Variants in MAP7D2 observed in about 807,000 individuals in gnomAD.
The protein encoded by MAP7D2 is MAP7 domain containing 2.
MAP7D2 carries 33 observed loss-of-function variants against 63.5 expected under a neutral mutation model. The observed-to-expected ratio is 0.52, with a 90% confidence interval of 0.39 to 0.70. MAP7D2 has a LOEUF of 0.70. Ranked by LOEUF, MAP7D2 falls within the 30% of genes least tolerant of loss-of-function variation. The pLI is 0.00. For missense variants in MAP7D2, 626 were observed against 604.0 expected (o/e 1.04, Z -0.38); for synonymous variants, 224 against 223.7 (o/e 1.00, Z -0.01).
chrX:20,042,770 C>G (rs2064694568), intron 7 of MAP7D2, 141 bp from the exon 8 acceptor site: 1 of 738,897 alleles, frequency 1.4e-6, no homozygotes, highest in East Asian at 3.3e-5. Context: ...TGACAGGCAT[C>G]TTTGCGGGGA....
intron 1 of MAP7D2, among the ~76,000 whole-genome samples, chrX:20,076,577 C>T (rs973360410): frequency 1.0e-4 from 11 of 109,311 alleles, no homozygotes; most frequent in Non-Finnish European, 1.7e-4. Flanking sequence ...TGGCGTGCAC[C>T]GTAATCCCAG....
At position 20,024,950 on chromosome X, in the gene MAP7D2, C is replaced by T. The variant is rs2073786140; in HGVS notation, c.1412+1G>A. The T allele has an allele frequency of 2.5e-6, 3 of 1,208,110 alleles. No homozygotes were observed. The highest frequency in any genetic ancestry group is 1.8e-5 in the South Asian group (1 of 56,293). On this transcript the variant is annotated splice_donor_variant, in intron 10 of 16. Coordinates refer to ENST00000379643, the MANE Select transcript of MAP7D2 (RefSeq NM_001168465.2). LOFTEE classifies it high-confidence loss of function. ...CACCGAAATTCTGAGCACTAGCATA[C>T]CTATCTTGTTCTTCCTTCTCCAGTC... is the stretch of plus-strand genomic sequence containing the variant.
At chrX:20,016,019 G>A in intron 11 of MAP7D2, 75 bp downstream of exon 11, 1 of 875,101 alleles carries the variant, frequency 1.1e-6, no homozygotes, top group Non-Finnish European at 1.6e-6. Flanking sequence ...ATGAGTCATT[G>A]AAATTTAACT....
At chrX:20,087,934 G>T (rs1373074813) in intron 1 of MAP7D2, among the ~76,000 whole-genome samples, 2 of 90,348 alleles carry the variant, frequency 2.2e-5, no homozygotes, top group African/African-American at 8.9e-5. Flanking sequence ...ACTGTCACTG[G>T]ACTGGAGTGC....
intron 8 of MAP7D2, 132 bp downstream of exon 8, chrX:20,042,370 A>T: frequency 1.4e-6 from 1 of 731,553 alleles, no homozygotes; most frequent in Non-Finnish European, 2.1e-6. Context: ...CAAGGCCAGC[A>T]TTTCTCCCAC....
At chrX:20,064,255 A>G (rs1298572623) in intron 2 of MAP7D2, among the ~76,000 whole-genome samples, 2 of 111,844 alleles carry the variant, frequency 1.8e-5, no homozygotes, top group Admixed American at 9.4e-5. Context: ...TGTGAAGAAC[A>G]CTCTGCACTA....
chrX:20,021,892 A>T (rs982851702), intron 10 of MAP7D2, among the ~76,000 whole-genome samples: 1 of 111,060 alleles, frequency 9.0e-6, no homozygotes, highest in African/African-American at 3.3e-5. Context: ...ACCTACTACT[A>T]CGATGGTTTC....
In MAP7D2 at chrX:20,094,554, A is replaced by G. The variant is rs1370353257; in HGVS notation, c.130+22196T>C. 6.9e-4 allele frequency among the ~76,000 whole-genome samples: 8 copies of G among 11,571 alleles called. 2 individuals carry two copies. Among genetic ancestry groups the G allele is most frequent in the South Asian group, 0.012 (2 of 170 alleles). The allele number at this position is 11,571 out of a possible 115,157, so 10.0% of individuals were successfully genotyped here. A position where few individuals can be genotyped will look rare whatever the true frequency, so the allele number is the denominator to read the frequency against. On this transcript the variant is annotated intron_variant, in intron 1 of 16. Transcript: ENST00000379643. ...TATATATATATATGTATATATATAT[A>G]TATATATATATATACATATATATGT... is the stretch of plus-strand genomic sequence containing the variant.
chrX:20,090,508 C>CA (rs763495571), intron 1 of MAP7D2, among the ~76,000 whole-genome samples: 8 of 110,435 alleles, frequency 7.2e-5, no homozygotes, highest in East Asian at 5.7e-4. Context: ...ACTGGAATGG[C>CA]AAAAAAAATT....
At chrX:20,098,372 G>T (rs2148519824) in intron 1 of MAP7D2, among the ~76,000 whole-genome samples, 1 of 112,513 alleles carries the variant, frequency 8.9e-6, no homozygotes, top group South Asian at 3.7e-4. Context: ...TGGACAATTT[G>T]TGCAAACAGT....
At chrX:20,115,255 A>C (rs959844829) in intron 1 of MAP7D2, among the ~76,000 whole-genome samples, 2 of 107,795 alleles carry the variant, frequency 1.9e-5, no homozygotes, top group Non-Finnish European at 3.8e-5. Context: ...AAAAAAAAAA[A>C]AAACCCCTTA....
rs765095412 is a variant in MAP7D2 at position 20,050,817 on chromosome X, C to G, written c.718+7G>C. The G allele has an allele frequency of 8.5e-7, 1 of 1,181,550 alleles. No individual in the cohort carries two copies. The highest frequency in any genetic ancestry group is 3.0e-5 in the East Asian group (1 of 33,148). ...TTCCTTGGTGTTACCAGCTTAGCCT[C>G]TTTTACCTGAATCATTGGCCTGCCC... On this transcript the variant is annotated splice_region_variant and intron_variant, in intron 6 of 16. Transcript: ENST00000379643.
intron 1 of MAP7D2, among the ~76,000 whole-genome samples, chrX:20,077,193 G>A (rs772947174): frequency 8.9e-6 from 1 of 111,964 alleles, no homozygotes; most frequent in Non-Finnish European, 1.9e-5. Context: ...AGTGACTCAC[G>A]CCTGTAATCC....
intron 5 of MAP7D2, chrX:20,052,418 G>A: frequency 3.4e-6 from 1 of 294,033 alleles, no homozygotes; most frequent in Non-Finnish European, 6.5e-6. Context: ...TCTACAAAAT[G>A]GGCAGGCCTA....
intron 10 of MAP7D2, 53 bp downstream of exon 10, chrX:20,024,898 T>C: frequency 8.5e-7 from 1 of 1,175,126 alleles, no homozygotes; most frequent in South Asian, 1.9e-5. Flanking sequence ...AAGCTGCTCT[T>C]TCCAACACAA....
At chrX:20,033,022 T>C (rs1456760566) in intron 8 of MAP7D2, among the ~76,000 whole-genome samples, 1 of 111,403 alleles carries the variant, frequency 9.0e-6, no homozygotes, top group Admixed American at 9.5e-5. Flanking sequence ...AACTGCCAGG[T>C]AGGAAAATGG....
rs781641667 is a variant in MAP7D2, at chrX:20,050,691, G to A, written c.718+133C>T. 3.6e-4 allele frequency: 257 copies of A among 711,522 alleles called. No individual in the cohort carries two copies. In the African/African-American group the frequency reaches 4.9e-3, roughly 14 times the overall value. The allele number at this position is 711,522 out of a possible 1,213,427, so 58.6% of individuals were successfully genotyped here. On this transcript the variant is annotated intron_variant, in intron 6 of 16. Coordinates refer to ENST00000379643, the MANE Select transcript of MAP7D2 (RefSeq NM_001168465.2). ...AAACAGCAAAACACTGGTATAAGAC[G>A]TTATTAACCAATGAAGACTTTTCAC...
chrX:20,083,505 T>C (rs971380472), intron 1 of MAP7D2, among the ~76,000 whole-genome samples: 2 of 112,468 alleles, frequency 1.8e-5, no homozygotes, highest in Non-Finnish European at 3.8e-5. Flanking sequence ...TTTCAAATCC[T>C]GTGTGTTGCC....
At chrX:20,066,811 T>C (rs2065373812) in intron 1 of MAP7D2, among the ~76,000 whole-genome samples, 1 of 111,380 alleles carries the variant, frequency 9.0e-6, no homozygotes, top group African/African-American at 3.3e-5. Flanking sequence ...AGGACTCTTA[T>C]TCTGCTCTCT....
Sources: gnomAD v4.1 joint callset for allele counts (sites outside exome capture counted in the v4.1 genomes callset) on GRCh38, gnomAD v4.1.1 for gene constraint, MANE v1.5 for transcripts, NCBI Gene and HGNC (gene_info 2026-07-23, HGNC 2026-07-21) for gene names.